The following VWF variants were observed in gnomAD, a reference collection of about 807,000 sequenced individuals.
VWF encodes von Willebrand factor.
A neutral mutation model predicts 308.6 loss-of-function variants in VWF; 176 were observed. That is an observed-to-expected ratio of 0.57 (90% CI 0.50 to 0.65). The LOEUF (loss-of-function observed/expected upper bound fraction) is 0.65. Among genes scored for constraint, VWF ranks in the 30% least tolerant of loss-of-function variants. The pLI is 0.00. For synonymous variants in VWF, 1,385 were observed against 1,443.4 expected (o/e 0.96, Z 0.92); for missense variants, 3,146 against 3,648.2 (o/e 0.86, Z 3.55).
chr12:6,046,733 CAG>C lies in VWF; in HGVS notation c.2269_2270del (p.Leu757ValfsTer22), dbSNP rs61748465. 3 of 1,614,034 alleles carry C rather than the reference CAG, an allele frequency of 1.9e-6. No homozygotes were observed. Among genetic ancestry groups the C allele is most frequent in the Non-Finnish European group, 2.5e-6 (3 of 1,180,022 alleles). ...LLPDAVLSSP[L>X]SHRSKRSLSC... ...GGGGACAGTACTCACTGCGATGAGA[CAG>C]GGGACTGCTGAGGACAGCGTCAGGC... is the stretch of plus-strand genomic sequence containing the variant. On this transcript the variant is annotated frameshift_variant, in exon 17 of 52. Coordinates refer to ENST00000261405, the MANE Select transcript of VWF (RefSeq NM_000552.5). LOFTEE classifies it high-confidence loss of function. This position sits in a 1 kb window ranked among gnomAD's most constrained non-coding sequence, Gnocchi z 5.0.
chr12:5,994,821 G>T (rs768500315), intron 35 of VWF, among the ~76,000 whole-genome samples: 3 of 152,210 alleles, frequency 2.0e-5, no homozygotes, highest in Non-Finnish European at 2.9e-5. Context: ...ACAGGCTGTT[G>T]TAATACTGTA....
intron 13 of VWF, among the ~76,000 whole-genome samples, chr12:6,059,143 A>G (rs1944627912): frequency 6.6e-6 from 1 of 152,228 alleles, no homozygotes; most frequent in Non-Finnish European, 1.5e-5. Flanking sequence ...GAAAGGGGAC[A>G]GAGTAATGTT....
chr12:6,073,522 C>T (rs1443843803), intron 8 of VWF, 97 bp downstream of exon 8: 1 of 1,555,938 alleles, frequency 6.4e-7, no homozygotes, highest in African/African-American at 1.4e-5. Context: ...CTGATTTCAG[C>T]AACGGGGAGC....
At chr12:6,093,048 C>A (rs534599106) in intron 6 of VWF, among the ~76,000 whole-genome samples, 2 of 152,168 alleles carry the variant, frequency 1.3e-5, no homozygotes, top group South Asian at 4.2e-4. Context: ...GATGGCCAGC[C>A]TGCAGGCCAC....
rs749503392 is a variant in VWF, at chr12:6,052,546, A to G, written c.2183T>C (p.Met728Thr). The G allele has an allele frequency of 8.7e-6, 14 of 1,614,190 alleles. No individual in the cohort carries two copies. The South Asian group carries it at 1.5e-4, about 18-fold the overall frequency. Residue 728 changes from methionine (M) to threonine (T), a missense_variant, in exon 16 of 52, where the codon ATG (methionine) becomes ACG (threonine). By Grantham distance (81) the Met-to-Thr change is moderately conservative. Transcript: ENST00000261405. The part of the protein sequence containing the change: ...PEDIFSDHHT[M>T]CYCEDGFMHC... ...TGACACTGCTGCCTGCACTTACCACATGGTGTGATGGTCTGAGAAGATGTC... is the reference window on the plus strand; with the variant it reads ...TGACACTGCTGCCTGCACTTACCACGTGGTGTGATGGTCTGAGAAGATGTC...
chr12:6,030,210 G>C (rs757425927), intron 21 of VWF, among the ~76,000 whole-genome samples: 1 of 152,174 alleles, frequency 6.6e-6, no homozygotes, highest in African/African-American at 2.4e-5. Flanking sequence ...ATGCAGTGCA[G>C]AGCTAATCAC....
At chr12:5,977,881 A>ATATATAT (rs1224489203) in intron 42 of VWF, among the ~76,000 whole-genome samples, 2 of 147,928 alleles carry the variant, frequency 1.4e-5, no homozygotes, top group African/African-American at 2.5e-5. Context: ...CTCTCTATAT[A>ATATATAT]TATATATTAT....
intron 5 of VWF, 158 bp from the exon 6 acceptor site, chr12:6,095,742 C>A (rs1475253889): frequency 2.0e-6 from 2 of 986,580 alleles, no homozygotes; most frequent in Non-Finnish European, 3.0e-6. Flanking sequence ...AGTGCAGCGG[C>A]TATTCACAAG....
chr12:5,981,647 A>T lies in VWF; in HGVS notation c.7287+139T>A, dbSNP rs1269238463. 7 of 1,008,136 alleles carry T rather than the reference A, an allele frequency of 6.9e-6. No homozygotes were observed. The Admixed American group carries it at 1.4e-4, about 20-fold the overall frequency. The allele number at this position is 1,008,136 out of a possible 1,614,324, so 62.4% of individuals were successfully genotyped here. A position where few individuals can be genotyped will look rare whatever the true frequency, so the allele number is the denominator to read the frequency against. On this transcript the variant is annotated intron_variant, in intron 42 of 51. Coordinates refer to ENST00000261405, the MANE Select transcript of VWF (RefSeq NM_000552.5). ...ATGCTGGGTAGGATGCAAATCTTCC[A>T]TGAGGAGCACATGTTGCTTAGCAAA...
intron 43 of VWF, among the ~76,000 whole-genome samples, chr12:5,973,203 T>A (rs894805646): frequency 6.6e-6 from 1 of 152,200 alleles, no homozygotes; most frequent in Non-Finnish European, 1.5e-5. Context: ...TATTTTTCAA[T>A]TCTTTATTTT....
intron 5 of VWF, among the ~76,000 whole-genome samples, chr12:6,096,170 C>T (rs1390484516): frequency 6.6e-6 from 1 of 151,636 alleles, no homozygotes; most frequent in Non-Finnish European, 1.5e-5. Flanking sequence ...GTTACAATTA[C>T]GATGAGGGAG....
rs1038822955 is a variant in VWF at position 6,113,863 on chromosome 12, C to A, written c.221-2895G>T. ...CTGGAGCTCTGAACACTACACACAG[C>A]CCAGAGTGAGCCCATGTGACAGGGC... On this transcript the variant is annotated intron_variant, in intron 3 of 51. Coordinates refer to ENST00000261405, the MANE Select transcript of VWF (RefSeq NM_000552.5). Among the ~76,000 whole-genome samples the A allele has an allele frequency of 9.2e-5, 14 of 152,192 alleles. 1 individual carries two copies. Among genetic ancestry groups the A allele is most frequent in the Admixed American group, 5.2e-4 (8 of 15,276 alleles).
intron 42 of VWF, among the ~76,000 whole-genome samples, chr12:5,979,536 G>A (rs149227306): frequency 0.02 from 2,998 of 152,150 alleles, 48 homozygotes; most frequent in Non-Finnish European, 0.033. Flanking sequence ...TGGATCACAA[G>A]GTCAAGAGAT....
chr12:6,068,830 T>G (rs1312832712), intron 10 of VWF, among the ~76,000 whole-genome samples: 4 of 121,994 alleles, frequency 3.3e-5, no homozygotes, highest in African/African-American at 1.7e-4. Flanking sequence ...TTTTTTTTTT[T>G]TTTGCGTGTG....
rs200637022 is a variant in VWF, at chr12:6,103,513, T to TAC, written c.532+6859_532+6860dup. On this transcript the variant is annotated intron_variant, in intron 5 of 51. Coordinates refer to ENST00000261405, the MANE Select transcript of VWF (RefSeq NM_000552.5). ...ATGTGTATACACACACGTATATATA[T>TAC]ACACACATATGTGTATATACACATA... Among the ~76,000 whole-genome samples the TAC allele has an allele frequency of 5.9e-5, 8 of 135,190 alleles. 1 individual carries two copies. The highest frequency in any genetic ancestry group is 1.1e-4 in the Non-Finnish European group (7 of 64,704). 88.7% of individuals were successfully genotyped at this position (135,190 alleles called of 152,430 possible). A position where few individuals can be genotyped will look rare whatever the true frequency, so the allele number is the denominator to read the frequency against.
chr12:6,042,747 T>C (rs1222830411), intron 18 of VWF, among the ~76,000 whole-genome samples: 2 of 152,234 alleles, frequency 1.3e-5, no homozygotes, highest in South Asian at 4.1e-4. Context: ...CGCTGTCCTC[T>C]TTTTTGGATT....
rs1462432138 is a variant in VWF at position 6,075,062 on chromosome 12, G to A, written c.874+273C>T. On this transcript the variant is annotated intron_variant, in intron 7 of 51. Transcript: ENST00000261405. This position sits in a 1 kb window ranked among gnomAD's most constrained non-coding sequence, Gnocchi z 4.7. ...CAGAGAACACTGTGTGAGTGCAGGG[G>A]TCGGATTTCCTGAGGGAAGTCAGGG... 6.6e-6 allele frequency among the ~76,000 whole-genome samples: 1 copy of A among 150,846 alleles called. No homozygotes were observed. The highest frequency in any genetic ancestry group is 2.0e-4 in the East Asian group (1 of 5,108).
chr12:5,964,254 A>ACATACATACATACATGCATACATACATG (rs1555189800), intron 47 of VWF, among the ~76,000 whole-genome samples: 1 of 129,918 alleles, frequency 7.7e-6, no homozygotes, highest in Non-Finnish European at 1.6e-5. Flanking sequence ...ATACATGCAT[A>ACATACATACATACATGCATACATACATG]CATACATACA....
chr12:6,089,238 C>T (rs555509548), intron 6 of VWF, among the ~76,000 whole-genome samples: 6 of 152,254 alleles, frequency 3.9e-5, no homozygotes, highest in African/African-American at 9.6e-5. Flanking sequence ...ATTGTGCTTC[C>T]GAGCCAGTGA....
Sources: allele counts gnomAD v4.1 joint callset (sites outside exome capture counted in the v4.1 genomes callset), GRCh38; gene constraint gnomAD v4.1.1; non-coding constraint Gnocchi (gnomAD v3.1); transcripts MANE v1.5; gene names NCBI Gene and HGNC (gene_info 2026-07-23, HGNC 2026-07-21).